TBC1D22A: variants seen among roughly 807,000 people sequenced by gnomAD.
TBC1D22A encodes the protein putative GTPase activator.
Under a neutral mutation model 60.2 loss-of-function variants are expected in TBC1D22A, and 38 were observed. The ratio of observed to expected loss-of-function variants is 0.63; its 90% CI spans 0.49 to 0.83. The LOEUF is 0.83. TBC1D22A is among the 40% of genes least tolerant of loss of function. The pLI, the probability that TBC1D22A is intolerant of heterozygous loss-of-function variation, is 0.00. For synonymous variants in TBC1D22A, 302 were observed against 281.7 expected (o/e 1.07, Z -0.72); for missense variants, 628 against 701.0 (o/e 0.90, Z 1.18).
chr22:46,840,549 A>T (rs1426993392), intron 4 of TBC1D22A, among the ~76,000 whole-genome samples: 1 of 152,150 alleles, frequency 6.6e-6, no homozygotes, highest in Non-Finnish European at 1.5e-5. Context: ...CCTGGCCAAC[A>T]TAGTGAAACC....
intron 1 of TBC1D22A, among the ~76,000 whole-genome samples, chr22:46,786,742 G>T (rs576175307): frequency 6.6e-6 from 1 of 151,980 alleles, no homozygotes; most frequent in South Asian, 2.1e-4. Context: ...ACACTTAAGC[G>T]CAGTAGTGCC....
intron 10 of TBC1D22A, among the ~76,000 whole-genome samples, chr22:46,998,860 G>GTC (rs1376163511): frequency 3.3e-5 from 5 of 152,192 alleles, no homozygotes; most frequent in African/African-American, 1.2e-4. Context: ...TTTTGCCTCC[G>GTC]TCAGTGCGTT....
chr22:46,876,483 C>CT (rs1370659274), intron 4 of TBC1D22A, among the ~76,000 whole-genome samples: 5 of 152,328 alleles, frequency 3.3e-5, no homozygotes, highest in Admixed American at 3.3e-4. Flanking sequence ...TCTCAGAACT[C>CT]TGTTTCCTGC....
chr22:46,810,304 TTC>T (rs2085327245), intron 4 of TBC1D22A, among the ~76,000 whole-genome samples: 2 of 152,240 alleles, frequency 1.3e-5, no homozygotes, highest in Non-Finnish European at 2.9e-5. Context: ...ACCCTTCTAT[TTC>T]TGTCTCCTTT....
At chr22:46,919,264 G>A (rs558483939) in intron 8 of TBC1D22A, among the ~76,000 whole-genome samples, 1 of 152,258 alleles carries the variant, frequency 6.6e-6, no homozygotes, top group African/African-American at 2.4e-5. Context: ...CATGGTGCGT[G>A]GCCCTTTGTG....
chr22:46,792,431 C>A, intron 1 of TBC1D22A, 89 bp from the exon 2 acceptor site: 2 of 1,576,278 alleles, frequency 1.3e-6, no homozygotes, highest in Non-Finnish European at 1.7e-6. Context: ...CCTGTGGGTT[C>A]CTGGGAGCCC....
In TBC1D22A at chr22:46,957,720, G is replaced by C. The variant is rs571558929; in HGVS notation, c.1016-16570G>C. Among the ~76,000 whole-genome samples the C allele has an allele frequency of 4.2e-3, 640 of 152,356 alleles. 11 individuals carry two copies. The highest frequency in any genetic ancestry group is 0.015 in the African/African-American group (611 of 41,580). Reference sequence around the variant, plus strand: ...CAGCTAAGCTGAGTGGGGCCTTCCAGCGCCAGAGACGCCATGCTGGGCAGG... The same window carrying C: ...CAGCTAAGCTGAGTGGGGCCTTCCACCGCCAGAGACGCCATGCTGGGCAGG... On this transcript the variant is annotated intron_variant, in intron 8 of 12. Transcript: ENST00000337137.
intron 1 of TBC1D22A, among the ~76,000 whole-genome samples, chr22:46,765,217 G>A (rs73473273): frequency 0.022 from 3,397 of 152,318 alleles, 117 homozygotes; most frequent in African/African-American, 0.077. Context: ...TCTCCCATCC[G>A]TCTTGTGGCT....
intron 9 of TBC1D22A, among the ~76,000 whole-genome samples, chr22:46,982,671 G>A (rs979306131): frequency 1.3e-5 from 2 of 152,216 alleles, no homozygotes; most frequent in Admixed American, 6.5e-5. Context: ...TGTGAACAAC[G>A]AATCGATGTC....
chr22:47,084,519 G>A (rs2064600843), intron 11 of TBC1D22A, among the ~76,000 whole-genome samples: 1 of 152,182 alleles, frequency 6.6e-6, no homozygotes, highest in Non-Finnish European at 1.5e-5. Context: ...GGTGGTTCTG[G>A]AGCACGCAGC....
At chr22:46,766,056 G>C (rs891461189) in intron 1 of TBC1D22A, among the ~76,000 whole-genome samples, 3 of 151,352 alleles carry the variant, frequency 2.0e-5, no homozygotes, top group African/African-American at 7.3e-5. Flanking sequence ...GGAGTGCAGT[G>C]GTGCGATCTC....
intron 12 of TBC1D22A, among the ~76,000 whole-genome samples, chr22:47,163,241 A>T (rs181238691): frequency 2.0e-5 from 3 of 152,322 alleles, no homozygotes; most frequent in Admixed American, 2.0e-4. Context: ...CCCTGAGCAA[A>T]CAGCCCCTCT....
intron 8 of TBC1D22A, among the ~76,000 whole-genome samples, chr22:46,952,123 A>G (rs1259609264): frequency 3.3e-5 from 5 of 149,740 alleles, no homozygotes; most frequent in Admixed American, 1.3e-4. Flanking sequence ...TGAGGTCAGA[A>G]GTGACTGGCC....
At chr22:47,119,062 T>A (rs952135498) in intron 12 of TBC1D22A, among the ~76,000 whole-genome samples, 2 of 152,034 alleles carry the variant, frequency 1.3e-5, no homozygotes, top group African/African-American at 4.8e-5. Context: ...GGCAGGAGAA[T>A]CGTTTGAACC....
At chr22:47,019,835 A>G (rs1281288943) in intron 10 of TBC1D22A, among the ~76,000 whole-genome samples, 2 of 134,764 alleles carry the variant, frequency 1.5e-5, no homozygotes, top group Non-Finnish European at 3.2e-5. Context: ...TTAACCCTCC[A>G]TCCTCTCCTC....
chr22:46,888,247 A>G (rs1371382459), intron 5 of TBC1D22A, among the ~76,000 whole-genome samples: 3 of 152,126 alleles, frequency 2.0e-5, no homozygotes, highest in African/African-American at 7.2e-5. Context: ...CCCAGTTAAG[A>G]CCTGTCCTGA....
chr22:46,848,306 A>C (rs1229241632), intron 4 of TBC1D22A, among the ~76,000 whole-genome samples: 8 of 152,246 alleles, frequency 5.3e-5, no homozygotes, highest in Non-Finnish European at 1.2e-4. Context: ...TCATGCTAGA[A>C]GCTTTCCTTC....
At chr22:46,854,013 C>A (rs189839851) in intron 4 of TBC1D22A, among the ~76,000 whole-genome samples, 1 of 152,314 alleles carries the variant, frequency 6.6e-6, no homozygotes, top group African/African-American at 2.4e-5. Context: ...CCCCCGCTGT[C>A]TCCGAGTGTC....
At chr22:46,812,975 C>T (rs1484318531) in intron 4 of TBC1D22A, among the ~76,000 whole-genome samples, 3 of 152,098 alleles carry the variant, frequency 2.0e-5, no homozygotes, top group South Asian at 2.1e-4. Flanking sequence ...CTGTCGTGTC[C>T]GGAGCTGTCC....
Sources: gnomAD v4.1 joint callset for allele counts (sites outside exome capture counted in the v4.1 genomes callset) on GRCh38, gnomAD v4.1.1 for gene constraint, MANE v1.5 for transcripts, NCBI Gene and HGNC (gene_info 2026-07-23, HGNC 2026-07-21) for gene names.